PALM2AKAP2: variants seen among roughly 807,000 people sequenced by gnomAD.
PALM2AKAP2 encodes the protein PALM2 and AKAP2 fusion.
PALM2AKAP2 carries 37 observed loss-of-function variants against 71.5 expected under a neutral mutation model. That is an observed-to-expected ratio of 0.52 (90% confidence interval 0.40 to 0.68). PALM2AKAP2 has a LOEUF of 0.68. PALM2AKAP2 is among the 30% of genes least tolerant of loss of function. PALM2AKAP2 has a pLI of 0.00. For synonymous variants in PALM2AKAP2, 468 were observed against 478.8 expected (o/e 0.98, Z 0.29); for missense variants, 1,224 against 1,191.8 (o/e 1.03, Z -0.40).
chr9:109,735,790 C>A (rs1222170774), intron 1 of PALM2AKAP2, among the ~76,000 whole-genome samples: 1 of 152,106 alleles, frequency 6.6e-6, no homozygotes, highest in Non-Finnish European at 1.5e-5. Flanking sequence ...CTTCATGCAC[C>A]TTTTCATCAT....
intron 1 of PALM2AKAP2, among the ~76,000 whole-genome samples, chr9:109,735,128 A>G (rs1026375992): frequency 1.3e-5 from 2 of 150,930 alleles, no homozygotes; most frequent in Admixed American, 1.3e-4. Flanking sequence ...TAGTTGAAAG[A>G]GTGTCTTCTT....
intron 1 of PALM2AKAP2, among the ~76,000 whole-genome samples, chr9:110,130,562 C>A (rs940956114): frequency 6.6e-6 from 1 of 152,216 alleles, no homozygotes; most frequent in African/African-American, 2.4e-5. Context: ...GGCACTCATA[C>A]AGACTTGAGT....
At chr9:109,931,419 T>C (rs1331785650) in intron 5 of PALM2AKAP2, among the ~76,000 whole-genome samples, 1 of 152,214 alleles carries the variant, frequency 6.6e-6, no homozygotes, top group Non-Finnish European at 1.5e-5. Flanking sequence ...TTGTAATGCA[T>C]ATAAAATTGG....
At chr9:109,987,976 T>C (rs558654793) in intron 6 of PALM2AKAP2, among the ~76,000 whole-genome samples, 67 of 152,362 alleles carry the variant, frequency 4.4e-4, no homozygotes, top group Admixed American at 5.9e-4. Flanking sequence ...CCAGTCCCTT[T>C]CCTAAACCAG....
chr9:110,013,347 T>A (rs1210508546), intron 6 of PALM2AKAP2, among the ~76,000 whole-genome samples: 1 of 152,208 alleles, frequency 6.6e-6, no homozygotes, highest in African/African-American at 2.4e-5. Flanking sequence ...TTCAGACTCT[T>A]ACATAAGTGA....
chr9:109,789,736 A>G (rs542692564), intron 1 of PALM2AKAP2, among the ~76,000 whole-genome samples: 3 of 152,176 alleles, frequency 2.0e-5, no homozygotes, highest in African/African-American at 7.2e-5. Flanking sequence ...AGAAGACCAC[A>G]CAGCTGAGAT....
At chr9:109,783,790 A>C (rs1826887049) in intron 1 of PALM2AKAP2, among the ~76,000 whole-genome samples, 1 of 152,230 alleles carries the variant, frequency 6.6e-6, no homozygotes, top group Admixed American at 6.5e-5. Context: ...TGGTGTCCCC[A>C]GGTTTCAGCT....
At chr9:109,837,703 A>G (rs1828520773) in intron 1 of PALM2AKAP2, among the ~76,000 whole-genome samples, 1 of 152,212 alleles carries the variant, frequency 6.6e-6, no homozygotes, top group South Asian at 2.1e-4. Context: ...GGAAATGGAA[A>G]ACAAAAAAAG....
intron 6 of PALM2AKAP2, chr9:109,943,335 A>G (rs1831422525): frequency 1.2e-6 from 2 of 1,614,226 alleles, no homozygotes; most frequent in South Asian, 2.2e-5. Flanking sequence ...CAGAGCCCTC[A>G]TCCCCAGAAG....
intron 5 of PALM2AKAP2, among the ~76,000 whole-genome samples, chr9:109,926,114 A>C (rs989826774): frequency 2.6e-5 from 4 of 152,238 alleles, no homozygotes; most frequent in Non-Finnish European, 5.9e-5. Flanking sequence ...GAAGATGATC[A>C]GGAGCCAGGA....
chr9:109,772,713 T>C (rs184431752), intron 1 of PALM2AKAP2, among the ~76,000 whole-genome samples: 11 of 152,338 alleles, frequency 7.2e-5, no homozygotes, highest in Admixed American at 1.3e-4. Flanking sequence ...GCATTTTCAT[T>C]TACTGGCTTG....
chr9:109,716,911 A>G (rs938725352), intron 1 of PALM2AKAP2, among the ~76,000 whole-genome samples: 1 of 152,134 alleles, frequency 6.6e-6, no homozygotes, highest in African/African-American at 2.4e-5. Flanking sequence ...GTTTTGGGGA[A>G]TCAGAAGGGC....
At chr9:109,690,065 A>G (rs1827860275) in intron 1 of PALM2AKAP2, among the ~76,000 whole-genome samples, 1 of 150,976 alleles carries the variant, frequency 6.6e-6, no homozygotes, top group African/African-American at 2.4e-5. Flanking sequence ...GTGCTTATCC[A>G]TGGAGTGGTT....
intron 4 of PALM2AKAP2, among the ~76,000 whole-genome samples, chr9:109,924,334 G>A (rs1046601931): frequency 4.6e-5 from 7 of 152,116 alleles, no homozygotes; most frequent in Non-Finnish European, 8.8e-5. Context: ...AGAAACAGAT[G>A]GTGCCTGTAA....
At chr9:109,841,515 T>TAAAAA (rs369447070) in intron 1 of PALM2AKAP2, among the ~76,000 whole-genome samples, 1 of 18,698 alleles carries the variant, frequency 5.3e-5, no homozygotes, top group African/African-American at 2.7e-4. Flanking sequence ...TAAAGTATAA[T>TAAAAA]AAAAAAAAAA....
intron 6 of PALM2AKAP2, among the ~76,000 whole-genome samples, chr9:109,963,013 T>C (rs919603575): frequency 9.2e-5 from 14 of 152,224 alleles, no homozygotes; most frequent in African/African-American, 3.1e-4. Flanking sequence ...CTTGTGCTTG[T>C]GTACAATTGC....
intron 6 of PALM2AKAP2, among the ~76,000 whole-genome samples, chr9:110,009,349 G>T (rs1266584444): frequency 6.6e-6 from 1 of 152,130 alleles, no homozygotes; most frequent in Admixed American, 6.5e-5. Context: ...GCCATCCATT[G>T]CTGCTTCACC....
intron 1 of PALM2AKAP2, among the ~76,000 whole-genome samples, chr9:109,661,884 C>T (rs1827402330): frequency 1.3e-5 from 2 of 152,168 alleles, no homozygotes; most frequent in Admixed American, 6.5e-5. Flanking sequence ...TCCTTCACAT[C>T]CCTTGTAAGT....
intron 1 of PALM2AKAP2, among the ~76,000 whole-genome samples, chr9:109,828,746 T>C (rs944305924): frequency 1.3e-5 from 2 of 152,246 alleles, no homozygotes; most frequent in Admixed American, 6.5e-5. Flanking sequence ...AAGTGAATGT[T>C]GTGACACTGA....
Sources: allele counts gnomAD v4.1 joint callset (sites outside exome capture counted in the v4.1 genomes callset), GRCh38; gene constraint gnomAD v4.1.1; transcripts MANE v1.5; gene names NCBI Gene and HGNC (gene_info 2026-07-23, HGNC 2026-07-21).